LRBA: variants seen among roughly 807,000 people sequenced by gnomAD.
LRBA encodes LPS responsive beige-like anchor protein.
LRBA carries 176 observed loss-of-function variants against 330.0 expected under a neutral mutation model. The observed-to-expected ratio is 0.53, with a 90% CI of 0.47 to 0.60. The LOEUF is 0.60. LRBA is among the 20% of genes least tolerant of loss of function. LRBA has a pLI of 0.00. For missense variants in LRBA, 3,259 were observed against 3,444.8 expected (o/e 0.95, Z 1.35); for synonymous variants, 1,230 against 1,193.0 (o/e 1.03, Z -0.64).
At chr4:150,634,843 A>G (rs1777728005) in intron 37 of LRBA, among the ~76,000 whole-genome samples, 1 of 152,208 alleles carries the variant, frequency 6.6e-6, no homozygotes, top group Non-Finnish European at 1.5e-5. Flanking sequence ...GACTTAAAAC[A>G]GAAGCCGTAG....
intron 55 of LRBA, among the ~76,000 whole-genome samples, chr4:150,279,784 AT>A (rs1190329696): frequency 6.6e-6 from 1 of 152,230 alleles, no homozygotes; most frequent in Non-Finnish European, 1.5e-5. Flanking sequence ...AAAAATCAGT[AT>A]CCTTTTCCCC....
intron 37 of LRBA, among the ~76,000 whole-genome samples, chr4:150,677,963 G>A (rs1416801075): frequency 6.6e-6 from 1 of 152,074 alleles, no homozygotes; most frequent in Non-Finnish European, 1.5e-5. Context: ...AAATAGGCCA[G>A]GCATGGCGGC....
chr4:150,649,477 G>T (rs544649067), intron 37 of LRBA, among the ~76,000 whole-genome samples: 2 of 152,200 alleles, frequency 1.3e-5, no homozygotes, highest in East Asian at 1.9e-4. Flanking sequence ...CTTTTGCATC[G>T]CATGGTCATA....
intron 34 of LRBA, among the ~76,000 whole-genome samples, chr4:150,783,073 G>A (rs1220546373): frequency 1.3e-5 from 2 of 152,138 alleles, no homozygotes; most frequent in Non-Finnish European, 2.9e-5. Flanking sequence ...TGAAAGGTGG[G>A]CAGCTGAGCT....
intron 37 of LRBA, among the ~76,000 whole-genome samples, chr4:150,669,857 T>C (rs1308616631): frequency 6.6e-6 from 1 of 152,170 alleles, no homozygotes; most frequent in Non-Finnish European, 1.5e-5. Context: ...TAAGCAACTG[T>C]GTCCGGCCAA....
intron 40 of LRBA, among the ~76,000 whole-genome samples, chr4:150,554,763 T>C (rs1767075112): frequency 6.6e-6 from 1 of 152,140 alleles, no homozygotes; most frequent in African/African-American, 2.4e-5. Flanking sequence ...CAAAACATTC[T>C]ATTACCAAGG....
chr4:150,904,556 A>T (rs998546054), intron 13 of LRBA, among the ~76,000 whole-genome samples: 13 of 152,184 alleles, frequency 8.5e-5, no homozygotes, highest in Admixed American at 3.9e-4. Context: ...CCTCCAACTA[A>T]GTATCTAATA....
At chr4:150,786,633 C>T (rs1253784505) in intron 34 of LRBA, among the ~76,000 whole-genome samples, 1 of 152,158 alleles carries the variant, frequency 6.6e-6, no homozygotes, top group Non-Finnish European at 1.5e-5. Context: ...CAGAAGTGGA[C>T]TCAGCAAAAG....
At chr4:150,784,725 C>T (rs942286107) in intron 34 of LRBA, among the ~76,000 whole-genome samples, 1 of 152,146 alleles carries the variant, frequency 6.6e-6, no homozygotes, top group African/African-American at 2.4e-5. Flanking sequence ...TTTCTTTCCC[C>T]TTTCTATCTT....
chr4:150,843,863 A>G (rs1257097342), intron 28 of LRBA, among the ~76,000 whole-genome samples: 1 of 152,216 alleles, frequency 6.6e-6, no homozygotes, highest in African/African-American at 2.4e-5. Flanking sequence ...ACTGCTTACT[A>G]TGTAATAATG....
intron 54 of LRBA, among the ~76,000 whole-genome samples, chr4:150,283,554 C>T (rs978623167): frequency 6.6e-6 from 1 of 152,200 alleles, no homozygotes; most frequent in Non-Finnish European, 1.5e-5. Flanking sequence ...TGCCTTTTCC[C>T]CACAATGACT....
intron 40 of LRBA, among the ~76,000 whole-genome samples, chr4:150,560,132 G>T (rs1224278957): frequency 1.3e-5 from 2 of 150,144 alleles, no homozygotes; most frequent in African/African-American, 4.9e-5. Flanking sequence ...GAAGTATTCA[G>T]GGGGAAAGGA....
At chr4:150,704,982 A>T (rs906303200) in intron 36 of LRBA, among the ~76,000 whole-genome samples, 2 of 152,242 alleles carry the variant, frequency 1.3e-5, no homozygotes, top group African/African-American at 4.8e-5. Flanking sequence ...CGAGTAATGT[A>T]ATAATTGTAA....
intron 11 of LRBA, 145 bp downstream of exon 11, chr4:150,908,185 ATAAT>A: frequency 3.0e-6 from 2 of 664,038 alleles, no homozygotes; most frequent in Non-Finnish European, 4.9e-6. Context: ...TAATACTGAC[ATAAT>A]TAATATGGAC....
chr4:150,910,977 A>C (rs1383607733), intron 9 of LRBA, among the ~76,000 whole-genome samples: 1 of 152,158 alleles, frequency 6.6e-6, no homozygotes, highest in Non-Finnish European at 1.5e-5. Context: ...CGTAATTTTC[A>C]AACTGTTCAT....
intron 33 of LRBA, among the ~76,000 whole-genome samples, chr4:150,803,348 T>C (rs1382405977): frequency 6.6e-6 from 1 of 151,820 alleles, no homozygotes; most frequent in Non-Finnish European, 1.5e-5. Context: ...TAAAGCAAAA[T>C]AAAGGGAAGT....
intron 37 of LRBA, among the ~76,000 whole-genome samples, chr4:150,669,215 C>A (rs1781833433): frequency 6.6e-6 from 1 of 152,090 alleles, no homozygotes; most frequent in Non-Finnish European, 1.5e-5. Flanking sequence ...TAAAATTTGA[C>A]AATTTTATAA....
chr4:150,655,176 AG>A (rs1211270826), intron 37 of LRBA, among the ~76,000 whole-genome samples: 1 of 152,206 alleles, frequency 6.6e-6, no homozygotes, highest in Admixed American at 6.5e-5. Context: ...TATTAGTTTT[AG>A]GTTAAACTTT....
chr4:150,549,942 G>A (rs1266059386), intron 40 of LRBA, among the ~76,000 whole-genome samples: 1 of 152,184 alleles, frequency 6.6e-6, no homozygotes, highest in East Asian at 1.9e-4. Flanking sequence ...ACGAATCCTG[G>A]CCATAGGTTT....
Sources: allele counts gnomAD v4.1 joint callset (sites outside exome capture counted in the v4.1 genomes callset), GRCh38; gene constraint gnomAD v4.1.1; transcripts MANE v1.5; gene names NCBI Gene and HGNC (gene_info 2026-07-23, HGNC 2026-07-21).